PCDHGA2: variants seen among roughly 807,000 people sequenced by gnomAD.
PCDHGA2 encodes the protein protocadherin gamma subfamily A, 2.
A neutral mutation model predicts 59.2 loss-of-function variants in PCDHGA2; 40 were observed. The ratio of observed to expected loss-of-function variants is 0.68; its 90% confidence interval spans 0.52 to 0.88. PCDHGA2 has a LOEUF of 0.88. Among genes scored for constraint, PCDHGA2 ranks in the 40% least tolerant of loss-of-function variants. PCDHGA2 has a pLI of 0.00. For synonymous variants in PCDHGA2, 560 were observed against 526.0 expected, an observed-to-expected ratio of 1.06 and a Z score of -0.89; for missense variants, 1,226 against 1,204.0, an observed-to-expected ratio of 1.02 and a Z score of -0.27.
In PCDHGA2 at chr5:141,404,772, G is replaced by A. The variant is rs764262966; in HGVS notation, c.2424+63377G>A. On this transcript the variant is annotated intron_variant, in intron 1 of 3. Transcript: ENST00000394576. ...GGCCAGAATGCTTGGCTCTCCTACC[G>A]CCTATTCAAGGCCAGTGAGCCAGGG... The A allele has an allele frequency of 9.9e-6, 16 of 1,613,820 alleles. No individual in the cohort carries two copies. The highest frequency in any genetic ancestry group is 5.0e-5 in the Admixed American group (3 of 60,000).
rs918375556 is a variant in PCDHGA2, at chr5:141,489,318, G to C, written c.2425-5489G>C. 6.3e-7 allele frequency: 1 copy of C among 1,598,974 alleles called. No individual in the cohort carries two copies. Among genetic ancestry groups the C allele is most frequent in the African/African-American group, 1.3e-5 (1 of 74,510 alleles). On this transcript the variant is annotated intron_variant, in intron 1 of 3. Coordinates refer to ENST00000394576, the MANE Select transcript of PCDHGA2 (RefSeq NM_018915.4). The surrounding 1 kb of genome is among the most constrained non-coding windows in gnomAD (Gnocchi z 4.5). ...TGTTGTCCTTGTGCTGCTGGGGCTG[G>C]GTGTCTGGGCAGCTTCGTTACTCAG...
At chr5:141,393,088 G>A in intron 1 of PCDHGA2, 3 of 1,613,648 alleles carry the variant, frequency 1.9e-6, no homozygotes, top group Non-Finnish European at 2.5e-6. Context: ...AGGATAGATC[G>A]GGAGGAGCTC....
rs542553570 is a variant in PCDHGA2 at position 141,372,192 on chromosome 5, T to C, written c.2424+30797T>C. On this transcript the variant is annotated intron_variant, in intron 1 of 3. Coordinates refer to ENST00000394576, the MANE Select transcript of PCDHGA2 (RefSeq NM_018915.4). The stretch of plus-strand genomic sequence containing the variant: ...GGTGGCGGTGGACGCAGACTCGGGA[T>C]ACAACGCCTGGCTGTCCTACCACAT... 6.2e-6 allele frequency: 10 copies of C among 1,613,546 alleles called. No homozygotes were observed. Among genetic ancestry groups the C allele is most frequent in the Middle Eastern group, 1.7e-4 (1 of 6,028 alleles).
At chr5:141,415,754 T>TTTG (rs2095935149) in intron 1 of PCDHGA2, 3 of 1,385,710 alleles carry the variant, frequency 2.2e-6, no homozygotes, top group African/African-American at 1.5e-5. Context: ...TTTTTTTTTT[T>TTTG]TTTTTTTTTT....
chr5:141,409,711 A>T (rs768917889), intron 1 of PCDHGA2: 1 of 1,613,204 alleles, frequency 6.2e-7, no homozygotes, highest in Non-Finnish European at 8.5e-7. Flanking sequence ...CGGTGTCGTC[A>T]TACGTGTCAG....
At chr5:141,346,874 C>T (rs922765948) in intron 1 of PCDHGA2, among the ~76,000 whole-genome samples, 1 of 152,174 alleles carries the variant, frequency 6.6e-6, no homozygotes, top group African/African-American at 2.4e-5. Context: ...GTTTGTCATT[C>T]CAACCTGTAT....
In PCDHGA2 at chr5:141,339,673, T is replaced by C. The variant is rs751476643; in HGVS notation, c.702T>C (p.Asp234=). The C allele has an allele frequency of 6.2e-7, 1 of 1,614,202 alleles. No individual in the cohort carries two copies. The highest frequency in any genetic ancestry group is 8.5e-7 in the Non-Finnish European group (1 of 1,180,044). Residue 234 remains aspartate, a synonymous_variant, in exon 1 of 4, where the codon GAT becomes GAC. Coordinates refer to ENST00000394576, the MANE Select transcript of PCDHGA2 (RefSeq NM_018915.4). ...CCCGCATCTGCGTGAAGGTCCTGGATGCGAACGACAATGCGCCTGTTTTTA... is the reference window on the plus strand; with the variant it reads ...CCCGCATCTGCGTGAAGGTCCTGGACGCGAACGACAATGCGCCTGTTTTTA... ...GTSRICVKVL[D]ANDNAPVFTQ...
rs1157138663 is a variant in PCDHGA2 at position 141,340,657 on chromosome 5, C to A, written c.1686C>A (p.Ile562=). ...VLDQNDNAPE[I]LYPAFPTDGS... The stretch of plus-strand genomic sequence containing the variant: ...ACCAGAACGACAACGCGCCCGAGAT[C>A]CTGTACCCTGCCTTCCCCACAGACG... The change falls in exon 1 of 4, where the codon ATC becomes ATA. Residue 562 remains isoleucine, a synonymous_variant. Transcript: ENST00000394576. 6.2e-7 allele frequency: 1 copy of A among 1,614,126 alleles called. No individual in the cohort carries two copies.
rs772444495 is a variant in PCDHGA2 at position 141,491,766 on chromosome 5, T to C, written c.2425-3041T>C. 14 of 1,567,738 alleles carry C rather than the reference T, an allele frequency of 8.9e-6. No homozygotes were observed. The African/African-American group carries it at 1.6e-4, about 18-fold the overall frequency. ...GCACTGGAGAAGCCGCCCGTCCTCA[T>C]AAGGGATTGAACTTGCATCCACTCC... On this transcript the variant is annotated intron_variant, in intron 1 of 3. Coordinates refer to ENST00000394576, the MANE Select transcript of PCDHGA2 (RefSeq NM_018915.4). The surrounding 1 kb of genome is among the most constrained non-coding windows in gnomAD (Gnocchi z 6.9).
Position 141,490,019 on chromosome 5 carries a change from T to C in PCDHGA2, c.2425-4788T>C. 2 of 1,614,272 alleles carry C rather than the reference T, an allele frequency of 1.2e-6. No homozygotes were observed. Among genetic ancestry groups the C allele is most frequent in the East Asian group, 2.2e-5 (1 of 44,886 alleles). ...CCAGAGAATGCACCCATTGGTACTCTGCTGCTCCGCCTCAATGCCACTGAT... is the reference window on the plus strand; with the variant it reads ...CCAGAGAATGCACCCATTGGTACTCCGCTGCTCCGCCTCAATGCCACTGAT... On this transcript the variant is annotated intron_variant, in intron 1 of 3. Coordinates refer to ENST00000394576, the MANE Select transcript of PCDHGA2 (RefSeq NM_018915.4). This position sits in a 1 kb window ranked among gnomAD's most constrained non-coding sequence, Gnocchi z 5.4.
intron 1 of PCDHGA2, chr5:141,416,489 G>A (rs2096031582): frequency 1.3e-5 from 2 of 152,158 alleles, no homozygotes; most frequent in Admixed American, 1.3e-4. Context: ...GAGAACAGGA[G>A]CAAGAGATAT....
At chr5:141,360,632 C>T (rs1367186780) in intron 1 of PCDHGA2, 1 of 1,613,902 alleles carries the variant, frequency 6.2e-7, no homozygotes, top group Admixed American at 1.7e-5. Context: ...GGTCCTAACT[C>T]ACTACAAAGA....
At position 141,491,093 on chromosome 5, in the gene PCDHGA2, T is replaced by G; in HGVS notation, c.2425-3714T>G. The G allele has an allele frequency of 6.2e-7, 1 of 1,614,160 alleles. No individual in the cohort carries two copies. The highest frequency in any genetic ancestry group is 8.5e-7 in the Non-Finnish European group (1 of 1,180,008). On this transcript the variant is annotated intron_variant, in intron 1 of 3. Transcript: ENST00000394576. This position sits in a 1 kb window ranked among gnomAD's most constrained non-coding sequence, Gnocchi z 6.9. ...TTGCCACAGTCCACAGCCCCAGGAC[T>G]GTTCCTCGTGTCTACACACACTGGT... is the stretch of plus-strand genomic sequence containing the variant.
intron 1 of PCDHGA2, chr5:141,420,927 G>A (rs1257204379): frequency 2.8e-6 from 1 of 362,530 alleles, no homozygotes; most frequent in Non-Finnish European, 5.0e-6. Context: ...ACAAAGGTGA[G>A]CGTAATCATT....
intron 1 of PCDHGA2, chr5:141,396,659 A>G (rs2093416733): frequency 6.6e-6 from 1 of 151,984 alleles, no homozygotes; most frequent in African/African-American, 2.4e-5. Context: ...AAAACTCGGT[A>G]TAGGCTATCC....
chr5:141,510,814 C>CA, intron 3 of PCDHGA2, 133 bp from the exon 4 acceptor site: 1 of 1,544,688 alleles, frequency 6.5e-7, no homozygotes, highest in Admixed American at 1.8e-5. Flanking sequence ...TTGGTGACCC[C>CA]TATATTCCCA....
chr5:141,363,646 A>C (rs969938262), intron 1 of PCDHGA2, among the ~76,000 whole-genome samples: 2 of 152,252 alleles, frequency 1.3e-5, no homozygotes, highest in African/African-American at 4.8e-5. Flanking sequence ...CACAAGTAAC[A>C]AAGATCTTTA....
chr5:141,375,151 T>G, intron 1 of PCDHGA2: 2 of 1,613,962 alleles, frequency 1.2e-6, no homozygotes, highest in Non-Finnish European at 1.7e-6. Context: ...GCAGAACAAT[T>G]GCTGAAAGTG....
chr5:141,388,430 TAAAG>T (rs2091357990), intron 1 of PCDHGA2: 1 of 1,613,634 alleles, frequency 6.2e-7, no homozygotes, highest in South Asian at 1.1e-5. Context: ...CACTGATAAA[TAAAG>T]AGAAATCAGA....
Sources: allele counts gnomAD v4.1 joint callset (sites outside exome capture counted in the v4.1 genomes callset), GRCh38; gene constraint gnomAD v4.1.1; non-coding constraint Gnocchi (gnomAD v3.1); transcripts MANE v1.5; gene names NCBI Gene and HGNC (gene_info 2026-07-23, HGNC 2026-07-21).